The following TULP1 variants were observed in gnomAD, a reference collection of about 807,000 sequenced individuals.
TULP1 encodes the protein tubby-related protein 1.
A neutral mutation model predicts 67.1 loss-of-function variants in TULP1; 50 were observed. The ratio of observed to expected loss-of-function variants is 0.75; its 90% CI spans 0.59 to 0.94. The LOEUF (loss-of-function observed/expected upper bound fraction) is 0.94. Among genes scored for constraint, TULP1 ranks in the 40% least tolerant of loss-of-function variants. TULP1 has a pLI of 0.00. For missense variants in TULP1, 746 were observed against 734.1 expected (o/e 1.02, Z -0.19); for synonymous variants, 297 against 294.0 (o/e 1.01, Z -0.11).
intron 13 of TULP1, 68 bp from the exon 14 acceptor site, chr6:35,500,220 C>G (rs1768809196): frequency 6.4e-6 from 10 of 1,566,664 alleles, no homozygotes; most frequent in Non-Finnish European, 7.0e-6. Flanking sequence ...TCAGGACTGA[C>G]CGGAGAAGGG....
chr6:35,509,773 G>A (rs531541148), intron 6 of TULP1, 23 bp from the exon 7 acceptor site: 44 of 1,613,602 alleles, frequency 2.7e-5, no homozygotes, highest in Non-Finnish European at 3.4e-5. Context: ...ATGTGAAAGC[G>A]TCACAACCCC....
chr6:35,509,894 A>G lies in TULP1; in HGVS notation c.534T>C (p.Pro178=), dbSNP rs1461572358. 6.2e-7 allele frequency: 1 copy of G among 1,613,600 alleles called. No homozygotes were observed. The highest frequency in any genetic ancestry group is 8.5e-7 in the Non-Finnish European group (1 of 1,179,966). Residue 178 remains proline (P), a synonymous_variant, in exon 6 of 15, where the codon CCT becomes CCC. Transcript: ENST00000229771. ...GAGCTTCCTTATTCCTAACACGCAG[A>G]GGTTTCGGTGGGGGGTCAGGGCTTC... The part of the protein sequence containing the change: ...DLGSPDPPPK[P]LRVRNKEAPA...
rs756806899 is a variant in TULP1, at chr6:35,498,348, G to T, written c.1608C>A (p.Asp536Glu). The change falls in exon 15 of 15, where the codon GAC becomes GAA. Residue 536 changes from aspartate to glutamate, a missense_variant. By Grantham distance (45) the Asp-to-Glu change is conservative. Coordinates refer to ENST00000229771, the MANE Select transcript of TULP1 (RefSeq NM_003322.6). This position sits in a 1 kb window ranked among gnomAD's most constrained non-coding sequence, Gnocchi z 6.7. ...QAFAIALSSF[D>E]GKLACE ...GGGGTCACTCGCAGGCCAGCTTCCCGTCGAAACTGGAGAGGGCGATGGCGA... is the reference window on the plus strand; with the variant it reads ...GGGGTCACTCGCAGGCCAGCTTCCCTTCGAAACTGGAGAGGGCGATGGCGA... 1 of 1,612,864 alleles carries T rather than the reference G, an allele frequency of 6.2e-7. No homozygotes were observed. The highest frequency in any genetic ancestry group is 2.2e-5 in the East Asian group (1 of 44,862).
Position 35,498,426 on chromosome 6 carries a change from C to T in TULP1, c.1530G>A (p.Ala510=), listed in dbSNP as rs776991257. The T allele has an allele frequency of 2.2e-5, 36 of 1,613,854 alleles. No individual in the cohort carries two copies. The highest frequency in any genetic ancestry group is 3.0e-5 in the Non-Finnish European group (35 of 1,180,034). Residue 510 remains alanine, a synonymous_variant, in exon 15 of 15, where the codon GCG becomes GCA. Transcript: ENST00000229771. The surrounding 1 kb of genome is among the most constrained non-coding windows in gnomAD (Gnocchi z 6.7). ...GGTAGTCTAGGGTGAAGGCGTCCTC[C>T]GCCACGCGGCCGAACTGCAGCACGA... is the stretch of plus-strand genomic sequence containing the variant. ...DYIVLQFGRV[A]EDAFTLDYRY... is the part of the protein sequence containing the mutation.
intron 5 of TULP1, 141 bp from the exon 6 acceptor site, chr6:35,510,069 T>G (rs1463744375): frequency 8.1e-6 from 6 of 744,908 alleles, no homozygotes; most frequent in African/African-American, 3.6e-5. Context: ...TTTTTCTTTT[T>G]TTTTTTGAGA....
intron 2 of TULP1, 55 bp from the exon 3 acceptor site, chr6:35,512,325 C>T (rs1482985093): frequency 5.6e-6 from 5 of 894,986 alleles, no homozygotes; most frequent in East Asian, 2.8e-5. Context: ...CGCTGAGGCC[C>T]GCCCATCCCC....
In TULP1 at chr6:35,505,867, G is replaced by A. The variant is rs778720936; in HGVS notation, c.1000-14C>T. The A allele has an allele frequency of 6.2e-7, 1 of 1,614,226 alleles. No homozygotes were observed. Among genetic ancestry groups the A allele is most frequent in the Admixed American group, 1.7e-5 (1 of 60,030 alleles). ...CAAGAGGAACACCTGGGGAAAAGGGGAGACAGGTGAGAGGATGGGAAGAGA... is the reference window on the plus strand; with the variant it reads ...CAAGAGGAACACCTGGGGAAAAGGGAAGACAGGTGAGAGGATGGGAAGAGA... On this transcript the variant is annotated splice_polypyrimidine_tract_variant and intron_variant, in intron 10 of 14. Coordinates refer to ENST00000229771, the MANE Select transcript of TULP1 (RefSeq NM_003322.6).
At chr6:35,509,152 G>A (rs1761140203) in intron 8 of TULP1, 57 bp downstream of exon 8, 1 of 1,512,862 alleles carries the variant, frequency 6.6e-7, no homozygotes, top group Middle Eastern at 2.0e-4. Context: ...CCCAAGTCCA[G>A]GCCCCTGCCT....
chr6:35,503,264 A>G lies in TULP1; in HGVS notation c.1323+295T>C, dbSNP rs902282212. On this transcript the variant is annotated intron_variant, in intron 13 of 14. Transcript: ENST00000229771. This position sits in a 1 kb window ranked among gnomAD's most constrained non-coding sequence, Gnocchi z 4.0. Reference sequence around the variant, plus strand: ...AGGGGTGCAGATCTTTGTTTTGTCCACTGATGTCTTCCAGGTGCCTAGGAT... The same window carrying G: ...AGGGGTGCAGATCTTTGTTTTGTCCGCTGATGTCTTCCAGGTGCCTAGGAT... 1 of 404,008 alleles carries G rather than the reference A, an allele frequency of 2.5e-6. No individual in the cohort carries two copies. Among genetic ancestry groups the G allele is most frequent in the African/African-American group, 2.0e-5 (1 of 48,800 alleles). 25.0% of individuals were successfully genotyped at this position (404,008 alleles called of 1,614,324 possible).
chr6:35,511,149 C>A, intron 4 of TULP1, 139 bp from the exon 5 acceptor site: 1 of 1,516,494 alleles, frequency 6.6e-7, no homozygotes, highest in Non-Finnish European at 8.8e-7. Context: ...AACCGGAGAC[C>A]TGGCACCTTC....
chr6:35,508,589 C>T (rs761743787), intron 8 of TULP1, among the ~76,000 whole-genome samples: 5 of 152,336 alleles, frequency 3.3e-5, no homozygotes, highest in Middle Eastern at 3.4e-3. Context: ...CTCCTGCTTA[C>T]TCCAGCTTTT....
At chr6:35,509,791 A>G (rs1298524401) in intron 6 of TULP1, 36 bp downstream of exon 6, 2 of 1,613,838 alleles carry the variant, frequency 1.2e-6, no homozygotes, top group African/African-American at 1.3e-5. Flanking sequence ...CCCCACCGCA[A>G]CTGGAGTCCC....
At chr6:35,510,049 G>A in intron 5 of TULP1, 121 bp from the exon 6 acceptor site, 1 of 880,476 alleles carries the variant, frequency 1.1e-6, no homozygotes. Context: ...GGGGCCCACA[G>A]CCTGCCTTCT....
chr6:35,509,519 C>G, intron 7 of TULP1, 115 bp downstream of exon 7: 3 of 1,201,884 alleles, frequency 2.5e-6, no homozygotes, highest in Non-Finnish European at 3.7e-6. Context: ...TTGTCTGACT[C>G]TAGACCTGGC....
chr6:35,507,134 G>T (rs1295826594), intron 8 of TULP1, among the ~76,000 whole-genome samples: 1 of 150,170 alleles, frequency 6.7e-6, no homozygotes, highest in Non-Finnish European at 1.5e-5. Context: ...AGATATTGTG[G>T]CTTCTATATG....
chr6:35,510,738 T>C, intron 5 of TULP1, 123 bp downstream of exon 5: 1 of 1,595,488 alleles, frequency 6.3e-7, no homozygotes, highest in Non-Finnish European at 8.5e-7. Context: ...GGAAAAACCC[T>C]CCGGTCACAG....
rs777941360 is a variant in TULP1, at chr6:35,511,690, G to A, written c.307C>T (p.Arg103Trp). Residue 103 changes from arginine (R) to tryptophan (W), a missense_variant, in exon 4 of 15, where the codon CGG becomes TGG. Arg to Trp is a moderately radical substitution (Grantham distance 101). Around this residue, in one of 3 missense-constraint regions of TULP1, gnomAD observed 359 missense variants for 341.9 expected, o/e 1.05. Transcript: ENST00000229771. ...RDPEAKKRDPRETFLVARAPD... is the reference protein window; with the variant it reads ...RDPEAKKRDPWETFLVARAPD... ...GCACGGGCTACCAGAAAGGTTTCCC[G>A]GGGGTCGCGCTTCTTGGCCTCGGGG... is the stretch of plus-strand genomic sequence containing the variant. 7 of 1,594,638 alleles carry A rather than the reference G, an allele frequency of 4.4e-6. No homozygotes were observed. The African/African-American group carries it at 6.7e-5, about 15-fold the overall frequency.
In TULP1 at chr6:35,512,227, G is replaced by T. The variant is rs906855472; in HGVS notation, c.143C>A (p.Ala48Asp). The T allele has an allele frequency of 2.9e-6, 4 of 1,370,628 alleles. No individual in the cohort carries two copies. The South Asian group carries it at 8.5e-5, about 29-fold the overall frequency. 84.9% of individuals were successfully genotyped at this position (1,370,628 alleles called of 1,614,324 possible). ...TCCCGTGGGGCAGGGGGATTCGGGGGCCTCCGTCCTCTTCTTCCTTAGCCT... is the reference window on the plus strand; with the variant it reads ...TCCCGTGGGGCAGGGGGATTCGGGGTCCTCCGTCCTCTTCTTCCTTAGCCT... ...AQRLRKKRTE[A>D]PESPCPTGSK... Residue 48 changes from alanine to aspartate, a missense_variant, in exon 3 of 15, where the codon GCC (alanine) becomes GAC (aspartate). Transcript: ENST00000229771.
At chr6:35,505,111 A>G (rs911719444) in intron 11 of TULP1, among the ~76,000 whole-genome samples, 8 of 151,174 alleles carry the variant, frequency 5.3e-5, no homozygotes, top group African/African-American at 1.9e-4. Context: ...TAATTTTTGT[A>G]TTTTTAATAG....
Sources: gnomAD v4.1 joint callset for allele counts (sites outside exome capture counted in the v4.1 genomes callset) on GRCh38, gnomAD v4.1.1 for gene constraint, gnomAD v4.1.1 regional missense constraint, Gnocchi (gnomAD v3.1) non-coding constraint, MANE v1.5 for transcripts, NCBI Gene and HGNC (gene_info 2026-07-23, HGNC 2026-07-21) for gene names.